Variants in RBFOX1 observed in about 807,000 individuals in gnomAD.
The protein encoded by RBFOX1 is RNA binding fox-1 homolog 1.
Under a neutral mutation model 57.7 loss-of-function variants are expected in RBFOX1, and 8 were observed. The ratio of observed to expected loss-of-function variants is 0.14; its 90% CI spans 0.08 to 0.25. The LOEUF (loss-of-function observed/expected upper bound fraction) is 0.25, where lower values mean the gene tolerates loss of function less well. Among genes scored for constraint, RBFOX1 ranks in the 10% least tolerant of loss-of-function variants. The probability of loss-of-function intolerance (pLI) is 1.00; values close to 1 mark genes in which losing one functional copy is unlikely to be tolerated. For synonymous variants in RBFOX1, 326 were observed against 222.4 expected (o/e 1.47, Z -4.15); for missense variants, 611 against 548.5 (o/e 1.11, Z -1.14).
intron 4 of RBFOX1, among the ~76,000 whole-genome samples, chr16:7,212,115 A>T (rs963135111): frequency 6.6e-6 from 1 of 152,174 alleles, no homozygotes; most frequent in African/African-American, 2.4e-5. Flanking sequence ...AGAATCATGC[A>T]TGGAAGGAAG....
intron 2 of RBFOX1, among the ~76,000 whole-genome samples, chr16:5,499,389 C>T (rs936087144): frequency 3.3e-5 from 5 of 152,144 alleles, no homozygotes; most frequent in Non-Finnish European, 4.4e-5. Flanking sequence ...TGTCTCCCTT[C>T]TGCTCACCAA....
intron 2 of RBFOX1, among the ~76,000 whole-genome samples, chr16:6,486,860 T>G (rs1015378836): frequency 6.6e-6 from 1 of 152,176 alleles, no homozygotes; most frequent in African/African-American, 2.4e-5. Context: ...TTTACAATTA[T>G]GAATTCTCAT....
chr16:6,157,868 A>G (rs1184995343), intron 1 of RBFOX1, among the ~76,000 whole-genome samples: 1 of 152,210 alleles, frequency 6.6e-6, no homozygotes, highest in African/African-American at 2.4e-5. Context: ...AACTCCAGTG[A>G]AAAGAAAGCT....
At chr16:7,013,954 G>A (rs2093777655) in intron 3 of RBFOX1, among the ~76,000 whole-genome samples, 1 of 152,088 alleles carries the variant, frequency 6.6e-6, no homozygotes, top group Non-Finnish European at 1.5e-5. Flanking sequence ...CACGGCGCTT[G>A]GCTAAAATGC....
At chr16:7,645,648 G>A (rs942931239) in intron 11 of RBFOX1, among the ~76,000 whole-genome samples, 2 of 152,138 alleles carry the variant, frequency 1.3e-5, no homozygotes, top group East Asian at 3.8e-4. Flanking sequence ...TCTTCCATGT[G>A]GAGCATGGTG....
chr16:6,787,703 T>C (rs1037609226), intron 3 of RBFOX1, among the ~76,000 whole-genome samples: 7 of 152,164 alleles, frequency 4.6e-5, no homozygotes, highest in Non-Finnish European at 8.8e-5. Flanking sequence ...TAGCATTCCA[T>C]TGATTACTCT....
At chr16:7,122,448 G>C (rs1170793562) in intron 4 of RBFOX1, among the ~76,000 whole-genome samples, 1 of 151,778 alleles carries the variant, frequency 6.6e-6, no homozygotes, top group South Asian at 2.1e-4. Flanking sequence ...ACCTAAAAAA[G>C]AAACAAAAAA....
At chr16:6,729,798 G>C (rs2192350) in intron 3 of RBFOX1, among the ~76,000 whole-genome samples, 137,879 of 152,202 alleles carry the variant, frequency 0.91, 64,070 homozygotes, top group East Asian at 1. Context: ...TTTCTAGCAT[G>C]TGCAAAGCAG....
intron 14 of RBFOX1, among the ~76,000 whole-genome samples, chr16:7,680,503 C>A (rs1181567010): frequency 3.3e-5 from 5 of 152,110 alleles, no homozygotes. Context: ...GAGACGGAAG[C>A]AAGACAGTTT....
At chr16:6,930,492 C>T (rs866560702) in intron 3 of RBFOX1, among the ~76,000 whole-genome samples, 3 of 151,296 alleles carry the variant, frequency 2.0e-5, no homozygotes, top group South Asian at 2.1e-4. Context: ...TCACTACAAC[C>T]TCTGCCTTCT....
At chr16:5,531,830 C>G (rs1055578732) in intron 2 of RBFOX1, among the ~76,000 whole-genome samples, 2 of 143,474 alleles carry the variant, frequency 1.4e-5, no homozygotes, top group South Asian at 4.4e-4. Flanking sequence ...GAGATGGAGT[C>G]TCACTCTGTC....
intron 3 of RBFOX1, among the ~76,000 whole-genome samples, chr16:6,851,926 GT>G (rs71147610): frequency 0.34 from 48,430 of 143,466 alleles, 7,945 homozygotes; most frequent in South Asian, 0.45. Context: ...TTTCCATTGG[GT>G]TTTTTTTTTT....
At chr16:7,663,191 C>T (rs2068227364) in intron 12 of RBFOX1, among the ~76,000 whole-genome samples, 1 of 152,208 alleles carries the variant, frequency 6.6e-6, no homozygotes, top group Non-Finnish European at 1.5e-5. Context: ...GACCCCCCAA[C>T]CGACATTCTC....
chr16:7,394,189 T>C (rs1597336108), intron 4 of RBFOX1, among the ~76,000 whole-genome samples: 1 of 124,580 alleles, frequency 8.0e-6, no homozygotes, highest in Non-Finnish European at 1.5e-5. Flanking sequence ...TGAGCCAAGA[T>C]CGTGCTACTG....
chr16:6,284,335 A>G (rs2076684152), intron 1 of RBFOX1, among the ~76,000 whole-genome samples: 1 of 152,116 alleles, frequency 6.6e-6, no homozygotes, highest in African/African-American at 2.4e-5. Context: ...TCACACCTGT[A>G]CCTAAACCAA....
chr16:5,948,161 T>G (rs1372852711), intron 4 of RBFOX1, among the ~76,000 whole-genome samples: 2 of 152,136 alleles, frequency 1.3e-5, no homozygotes, highest in Non-Finnish European at 2.9e-5. Context: ...ATGCTATATA[T>G]AGTAGCCTCT....
At chr16:6,985,852 A>T (rs1422259364) in intron 3 of RBFOX1, among the ~76,000 whole-genome samples, 4 of 135,640 alleles carry the variant, frequency 2.9e-5, no homozygotes, top group African/African-American at 7.9e-5. Context: ...AAAAAACAGA[A>T]TTTTTTTTTC....
chr16:6,687,491 C>G (rs1346410993), intron 3 of RBFOX1, among the ~76,000 whole-genome samples: 1 of 152,184 alleles, frequency 6.6e-6, no homozygotes, highest in Non-Finnish European at 1.5e-5. Flanking sequence ...AAGTGGTGAT[C>G]TCTGCTAGTC....
At chr16:5,764,280 A>G (rs553483258) in intron 3 of RBFOX1, among the ~76,000 whole-genome samples, 2 of 152,324 alleles carry the variant, frequency 1.3e-5, no homozygotes, top group Admixed American at 6.5e-5. Context: ...AGGAATATCT[A>G]TAACGGCATT....
Sources: gnomAD v4.1 joint callset for allele counts (sites outside exome capture counted in the v4.1 genomes callset) on GRCh38, gnomAD v4.1.1 for gene constraint, MANE v1.5 for transcripts, NCBI Gene and HGNC (gene_info 2026-07-23, HGNC 2026-07-21) for gene names.